The following PTPRF variants were observed in gnomAD, a reference collection of about 807,000 sequenced individuals.
PTPRF encodes the protein receptor-type tyrosine-protein phosphatase F.
PTPRF carries 59 observed loss-of-function variants against 201.8 expected under a neutral mutation model. The ratio of observed to expected loss-of-function variants is 0.29; its 90% CI spans 0.24 to 0.36. PTPRF has a LOEUF of 0.36. Ranked by LOEUF, PTPRF falls within the 10% of genes least tolerant of loss-of-function variation. The probability of loss-of-function intolerance (pLI) is 1.00; values close to 1 mark genes in which losing one functional copy is unlikely to be tolerated. For missense variants in PTPRF, 2,132 were observed against 2,690.5 expected (o/e 0.79, Z 4.59); for synonymous variants, 1,088 against 1,089.7 (o/e 1.00, Z 0.03).
At chr1:43,569,349 C>T (rs1468860166) in intron 5 of PTPRF, among the ~76,000 whole-genome samples, 4 of 152,126 alleles carry the variant, frequency 2.6e-5, no homozygotes, top group Non-Finnish European at 5.9e-5. Context: ...GAGGCGTTGC[C>T]TCTCAGACCT....
At chr1:43,531,566 G>C (rs1196710575) in intron 1 of PTPRF, among the ~76,000 whole-genome samples, 1 of 148,610 alleles carries the variant, frequency 6.7e-6, no homozygotes, top group Non-Finnish European at 1.5e-5. Flanking sequence ...CCGCACAGGC[G>C]CCCCCTCCCA....
In PTPRF at chr1:43,597,915, G is replaced by A. The variant is rs1254105738; in HGVS notation, c.1981G>A (p.Gly661Ser). 1.9e-6 allele frequency: 3 copies of A among 1,599,604 alleles called. No homozygotes were observed. The highest frequency in any genetic ancestry group is 2.6e-6 in the Non-Finnish European group (3 of 1,173,582). ...GEDRGRHVVD[G>S]ISREHSSWDL... ...GGACCGCGGGCGGCATGTGGTGGAT[G>A]GCATCAGCCGTGAGCACTCCAGCTG... Residue 661 changes from glycine (G) to serine (S), a missense_variant, in exon 12 of 34, where the codon GGC becomes AGC. Transcript: ENST00000359947.
chr1:43,569,205 CG>C (rs1646395621), intron 5 of PTPRF, among the ~76,000 whole-genome samples: 1 of 151,268 alleles, frequency 6.6e-6, no homozygotes. Context: ...GGATGCTGCG[CG>C]AGCTCCCTGC....
At position 43,537,447 on chromosome 1, in the gene PTPRF, A is replaced by C. The variant is rs1046318483; in HGVS notation, c.-125-751A>C. ...TTTGAACTCATTCATGCGTTCATCC[A>C]CTCATTCAGTGTATGCTGACTGAGC... On this transcript the variant is annotated intron_variant, in intron 1 of 33. Transcript: ENST00000359947. The surrounding 1 kb of genome is among the most constrained non-coding windows in gnomAD (Gnocchi z 4.8). Among the ~76,000 whole-genome samples, 17 of 152,054 alleles carry C rather than the reference A, an allele frequency of 1.1e-4. No homozygotes were observed. The highest frequency in any genetic ancestry group is 1.8e-4 in the Non-Finnish European group (12 of 68,028).
In PTPRF at chr1:43,622,097, C is replaced by T. The variant is rs573467565; in HGVS notation, c.*94C>T. 4.2e-5 allele frequency: 56 copies of T among 1,345,018 alleles called. 1 individual carries two copies. Among genetic ancestry groups the T allele is most frequent in the Admixed American group, 2.4e-4 (14 of 58,474 alleles). 83.3% of individuals were successfully genotyped at this position (1,345,018 alleles called of 1,614,324 possible). On this transcript the variant is annotated 3_prime_UTR_variant, in exon 34 of 34. Transcript: ENST00000359947. ...TACCGACCATCGTCCAGCCCTCCTA[C>T]GCAGATGCTGTCACTGGCAGAGCAC... is the stretch of plus-strand genomic sequence containing the variant.
rs1041064842 is a variant in PTPRF at position 43,588,296 on chromosome 1, C to G, written c.680-435C>G. Among the ~76,000 whole-genome samples, 2 of 152,172 alleles carry G rather than the reference C, an allele frequency of 1.3e-5. No individual in the cohort carries two copies. The highest frequency in any genetic ancestry group is 4.8e-5 in the African/African-American group (2 of 41,440). On this transcript the variant is annotated intron_variant, in intron 7 of 33. Transcript: ENST00000359947. The surrounding 1 kb of genome is among the most constrained non-coding windows in gnomAD (Gnocchi z 5.3). ...TCTGCCCAGCCATGCTCTGAGGACC[C>G]TCCACCCTAGGGCCTGCTTTCTCTC...
chr1:43,556,608 G>A (rs1327599207), intron 5 of PTPRF, among the ~76,000 whole-genome samples: 1 of 152,210 alleles, frequency 6.6e-6, no homozygotes, highest in Non-Finnish European at 1.5e-5. Context: ...TACAAGCTTA[G>A]AGGAGCCATA....
intron 26 of PTPRF, 109 bp from the exon 27 acceptor site, chr1:43,618,939 T>C: frequency 6.7e-7 from 1 of 1,482,790 alleles, no homozygotes; most frequent in Non-Finnish European, 9.2e-7. Context: ...GTGTGGCTTC[T>C]GAGTCCCATG....
chr1:43,591,623 T>C, intron 9 of PTPRF, 70 bp downstream of exon 9: 2 of 1,468,718 alleles, frequency 1.4e-6, no homozygotes, highest in Non-Finnish European at 9.1e-7. Context: ...GCGGTGCCTT[T>C]CCCCCTCCCT....
rs17849127 is a variant in PTPRF at position 43,590,954 on chromosome 1, C to G, written c.950-18C>G. On this transcript the variant is annotated intron_variant, in intron 8 of 33. Transcript: ENST00000359947. ...ATCTTGACCTCGGGCAGCTTTGAGC[C>G]TTCCACTTTGTCTCCAGCTCTTCCA... 1 of 1,593,780 alleles carries G rather than the reference C, an allele frequency of 6.3e-7. No individual in the cohort carries two copies. Among genetic ancestry groups the G allele is most frequent in the Admixed American group, 1.7e-5 (1 of 58,860 alleles).
chr1:43,567,643 C>T (rs1415151950), intron 5 of PTPRF, among the ~76,000 whole-genome samples: 1 of 152,198 alleles, frequency 6.6e-6, no homozygotes, highest in Non-Finnish European at 1.5e-5. Context: ...AGGTATCTTG[C>T]TCCTGCCTGT....
At chr1:43,548,337 G>GC (rs1644812366) in intron 3 of PTPRF, among the ~76,000 whole-genome samples, 1 of 151,930 alleles carries the variant, frequency 6.6e-6, no homozygotes. Flanking sequence ...GGGGTGGGTG[G>GC]CGGGTGGGTT....
Position 43,578,841 on chromosome 1 carries a change from C to G in PTPRF, c.600C>G (p.Ser200=), listed in dbSNP as rs571441042. The part of the protein sequence containing the change: ...GALQIESSEE[S]DQGKYECVAT... ...TGCAGATAGAGAGCAGTGAGGAATCCGACCAAGGCAAGTACGAGTGTGTGG... is the reference window on the plus strand; with the variant it reads ...TGCAGATAGAGAGCAGTGAGGAATCGGACCAAGGCAAGTACGAGTGTGTGG... The change falls in exon 7 of 34, where the codon TCC becomes TCG. Residue 200 remains serine (S), a synonymous_variant. Coordinates refer to ENST00000359947, the MANE Select transcript of PTPRF (RefSeq NM_002840.5). 33 of 1,614,006 alleles carry G rather than the reference C, an allele frequency of 2.0e-5. No homozygotes were observed. Among genetic ancestry groups the G allele is most frequent in the Non-Finnish European group, 2.8e-5 (33 of 1,179,984 alleles).
At chr1:43,595,588 A>T (rs1652057780) in intron 11 of PTPRF, among the ~76,000 whole-genome samples, 1 of 152,224 alleles carries the variant, frequency 6.6e-6, no homozygotes, top group African/African-American at 2.4e-5. Flanking sequence ...GTCAATAGGA[A>T]AAAAAGAAAC....
chr1:43,579,392 C>T lies in PTPRF; in HGVS notation c.679+472C>T, dbSNP rs558070581. On this transcript the variant is annotated intron_variant, in intron 7 of 33. Coordinates refer to ENST00000359947, the MANE Select transcript of PTPRF (RefSeq NM_002840.5). The stretch of plus-strand genomic sequence containing the variant: ...TCTGGGCTTTGGGGTAGTAAGGCCT[C>T]AGGAACGGACCAGGCCAGGTGAGCC... 244 of 365,984 alleles carry T rather than the reference C, an allele frequency of 6.7e-4. No individual in the cohort carries two copies. In the East Asian group the frequency reaches 0.012, roughly 18 times the overall value. The allele number at this position is 365,984 out of a possible 1,614,324, so 22.7% of individuals were successfully genotyped here.
rs1016856462 is a variant in PTPRF at position 43,554,061 on chromosome 1, G to C, written c.379+120G>C. On this transcript the variant is annotated intron_variant, in intron 5 of 33. Coordinates refer to ENST00000359947, the MANE Select transcript of PTPRF (RefSeq NM_002840.5). This position sits in a 1 kb window ranked among gnomAD's most constrained non-coding sequence, Gnocchi z 4.1. ...GGCAGAAAGGAGGACTGGCCACCTCGGGGTCAGTGAAAGTCAGTGGTGGAC... is the reference window on the plus strand; with the variant it reads ...GGCAGAAAGGAGGACTGGCCACCTCCGGGTCAGTGAAAGTCAGTGGTGGAC... 5 of 1,344,520 alleles carry C rather than the reference G, an allele frequency of 3.7e-6. No individual in the cohort carries two copies. The highest frequency in any genetic ancestry group is 5.0e-6 in the Non-Finnish European group (5 of 990,336). The allele number at this position is 1,344,520 out of a possible 1,614,324, so 83.3% of individuals were successfully genotyped here.
rs780780057 is a variant in PTPRF, at chr1:43,588,692, C to G, written c.680-39C>G. On this transcript the variant is annotated intron_variant, in intron 7 of 33. Transcript: ENST00000359947. The surrounding 1 kb of genome is among the most constrained non-coding windows in gnomAD (Gnocchi z 5.3). ...CTGCCCTTCCATGCAGTCGTGTGTC[C>G]TGCCCGGCCTGTGAGTGCCTCTCTC... 2 of 1,606,204 alleles carry G rather than the reference C, an allele frequency of 1.2e-6. No individual in the cohort carries two copies. The highest frequency in any genetic ancestry group is 1.3e-5 in the African/African-American group (1 of 74,826).
At chr1:43,607,003 C>T (rs755446644) in intron 21 of PTPRF, 35 bp downstream of exon 21, 3 of 1,607,200 alleles carry the variant, frequency 1.9e-6, no homozygotes, top group Non-Finnish European at 2.5e-6. Flanking sequence ...GGAACGGCCA[C>T]CTGCCCCTCG....
At chr1:43,569,102 G>T (rs1646386188) in intron 5 of PTPRF, among the ~76,000 whole-genome samples, 1 of 152,226 alleles carries the variant, frequency 6.6e-6, no homozygotes, top group Non-Finnish European at 1.5e-5. Flanking sequence ...CCATGTGATA[G>T]AGCTGAAGGC....
Sources: allele counts gnomAD v4.1 joint callset (sites outside exome capture counted in the v4.1 genomes callset), GRCh38; gene constraint gnomAD v4.1.1; non-coding constraint Gnocchi (gnomAD v3.1); transcripts MANE v1.5; gene names NCBI Gene and HGNC (gene_info 2026-07-23, HGNC 2026-07-21).